PLAAT4: variants seen among roughly 807,000 people sequenced by gnomAD.
PLAAT4 encodes phospholipase A and acyltransferase 4, also known as HRAS-like suppressor 4.
Under a neutral mutation model 14.1 loss-of-function variants are expected in PLAAT4, and 12 were observed. The ratio of observed to expected loss-of-function variants is 0.85; its 90% confidence interval spans 0.54 to 1.37. The LOEUF (loss-of-function observed/expected upper bound fraction) is 1.37, where lower values mean the gene tolerates loss of function less well. Ranked by LOEUF, PLAAT4 falls within the 40% of genes most tolerant of loss-of-function variation. The probability of loss-of-function intolerance (pLI) is 0.00; values close to 1 mark genes in which losing one functional copy is unlikely to be tolerated. For missense variants in PLAAT4, 163 were observed against 211.7 expected, an observed-to-expected ratio of 0.77 and a Z score of 1.43; for synonymous variants, 77 against 79.8, an observed-to-expected ratio of 0.96 and a Z score of 0.19.
chr11:63,541,654 G>T (rs1276505938), intron 2 of PLAAT4, among the ~76,000 whole-genome samples: 1 of 142,848 alleles, frequency 7.0e-6, no homozygotes. Flanking sequence ...TTTAATAAAT[G>T]GTATGAATAT....
intron 2 of PLAAT4, among the ~76,000 whole-genome samples, chr11:63,542,420 C>A (rs2017328688): frequency 6.6e-6 from 1 of 152,204 alleles, no homozygotes; most frequent in Admixed American, 6.5e-5. Flanking sequence ...ACACATAGGA[C>A]ACAGAAAGCC....
In PLAAT4 at chr11:63,546,247, G is replaced by A. The variant is rs764866834; in HGVS notation, c.486G>A (p.Ala162=). The change falls in exon 4 of 4, where the codon GCG becomes GCA. Residue 162 remains alanine (A), a synonymous_variant. Coordinates refer to ENST00000255688, the MANE Select transcript of PLAAT4 (RefSeq NM_004585.5). ...CGATTAGGAGATACCAAAAAAAAGC[G>A]ACAGCCTGAAGCAGCCACAAAATCC... ...SFAIRRYQKK[A]TA 9.3e-6 allele frequency: 15 copies of A among 1,613,882 alleles called. No homozygotes were observed. The highest frequency in any genetic ancestry group is 3.3e-5 in the South Asian group (3 of 91,058).
At chr11:63,541,973 T>C (rs935700363) in intron 2 of PLAAT4, among the ~76,000 whole-genome samples, 1 of 152,106 alleles carries the variant, frequency 6.6e-6, no homozygotes, top group Admixed American at 6.6e-5. Context: ...AACCCAAAAG[T>C]AAAAAACAAT....
At chr11:63,537,988 G>A (rs2017286684) in intron 1 of PLAAT4, among the ~76,000 whole-genome samples, 1 of 152,240 alleles carries the variant, frequency 6.6e-6, no homozygotes, top group South Asian at 2.1e-4. Flanking sequence ...CCTAGGAGTG[G>A]GGTGGCGGGT....
intron 2 of PLAAT4, among the ~76,000 whole-genome samples, chr11:63,540,280 G>T (rs1401596640): frequency 6.6e-6 from 1 of 152,208 alleles, no homozygotes; most frequent in Non-Finnish European, 1.5e-5. Context: ...AAGGAACAAT[G>T]TTTCTCCGTG....
At chr11:63,538,179 T>C (rs952641212) in intron 1 of PLAAT4, among the ~76,000 whole-genome samples, 15 of 151,552 alleles carry the variant, frequency 9.9e-5, no homozygotes, top group African/African-American at 3.6e-4. Context: ...GGCCTGTGGG[T>C]GCAGAGCCCA....
At chr11:63,541,392 A>G (rs755284757) in intron 2 of PLAAT4, among the ~76,000 whole-genome samples, 2 of 152,056 alleles carry the variant, frequency 1.3e-5, no homozygotes, top group Non-Finnish European at 2.9e-5. Context: ...GGGTTTCACC[A>G]TGTTGGCCAG....
intron 2 of PLAAT4, among the ~76,000 whole-genome samples, chr11:63,540,134 G>A (rs963383326): frequency 2.0e-5 from 3 of 152,238 alleles, no homozygotes; most frequent in Admixed American, 6.5e-5. Context: ...AGAAGAGACC[G>A]TTGCCTCCCG....
intron 1 of PLAAT4, among the ~76,000 whole-genome samples, chr11:63,537,556 G>A (rs1036565723): frequency 6.6e-6 from 1 of 152,156 alleles, no homozygotes; most frequent in Non-Finnish European, 1.5e-5. Flanking sequence ...TCCTGGGGAA[G>A]GGCTTTACTG....
In PLAAT4 at chr11:63,545,055, G is replaced by T. The variant is rs573455606; in HGVS notation, c.387+166G>T. ...ATGCCAGATCTGCTTCTAATCCACA[G>T]AGGGTCTTTGGACAGTTCCCTTCCC... On this transcript the variant is annotated intron_variant, in intron 3 of 3. Transcript: ENST00000255688. 6.2e-6 allele frequency: 6 copies of T among 969,194 alleles called. No homozygotes were observed. The East Asian group carries it at 1.5e-4, about 24-fold the overall frequency. The allele number at this position is 969,194 out of a possible 1,614,324, so 60.0% of individuals were successfully genotyped here.
In PLAAT4 at chr11:63,536,877, G is replaced by A. The variant is rs1170202185; in HGVS notation, c.9G>A (p.Ser3=). The change falls in exon 1 of 4, where the codon TCG becomes TCA. Residue 3 remains serine (S), a splice_region_variant and synonymous_variant. Coordinates refer to ENST00000255688, the MANE Select transcript of PLAAT4 (RefSeq NM_004585.5). MA[S]PHQEPKPGDL... is the part of the protein sequence containing the mutation. The stretch of plus-strand genomic sequence containing the variant: ...CTCCTCTTGGCTTCGAGATGGCTTC[G>A]GTAAGTTTCCCAGGGCTTTGCATTA... 16 of 1,612,452 alleles carry A rather than the reference G, an allele frequency of 9.9e-6. No individual in the cohort carries two copies. Among genetic ancestry groups the A allele is most frequent in the Non-Finnish European group, 1.3e-5 (15 of 1,179,282 alleles).
intron 1 of PLAAT4, among the ~76,000 whole-genome samples, chr11:63,539,241 T>C (rs2017300836): frequency 6.6e-6 from 1 of 152,072 alleles, no homozygotes; most frequent in African/African-American, 2.4e-5. Context: ...CACATCTGCA[T>C]CCTCAGCATG....
intron 2 of PLAAT4, 122 bp from the exon 3 acceptor site, chr11:63,544,499 A>C: frequency 7.6e-7 from 1 of 1,312,630 alleles, no homozygotes; most frequent in South Asian, 1.4e-5. Flanking sequence ...AAAAAGCAAA[A>C]TCTGTGAATC....
intron 1 of PLAAT4, among the ~76,000 whole-genome samples, chr11:63,538,885 G>A (rs1225007303): frequency 6.6e-6 from 1 of 152,166 alleles, no homozygotes; most frequent in Non-Finnish European, 1.5e-5. Context: ...TCCCACAGAG[G>A]CCTGTTCTGT....
At chr11:63,542,597 G>T (rs1266140563) in intron 2 of PLAAT4, among the ~76,000 whole-genome samples, 1 of 152,052 alleles carries the variant, frequency 6.6e-6, no homozygotes. Context: ...TGGATTTTTG[G>T]CTACCTATTT....
intron 2 of PLAAT4, 133 bp downstream of exon 2, chr11:63,539,757 T>A: frequency 1.8e-6 from 1 of 558,662 alleles, no homozygotes; most frequent in Non-Finnish European, 3.0e-6. Context: ...AGGTCAGGAG[T>A]TCAAGACCAG....
At chr11:63,543,075 C>T (rs558982468) in intron 2 of PLAAT4, among the ~76,000 whole-genome samples, 45 of 152,360 alleles carry the variant, frequency 3.0e-4, no homozygotes, top group African/African-American at 9.4e-4. Flanking sequence ...GTTCACTCAT[C>T]TATACCCTCC....
intron 1 of PLAAT4, among the ~76,000 whole-genome samples, chr11:63,537,968 G>T (rs1285397451): frequency 6.6e-6 from 1 of 152,198 alleles, no homozygotes; most frequent in Non-Finnish European, 1.5e-5. Context: ...AGGCCCCCGG[G>T]GACCCAGGTC....
Position 63,546,357 on chromosome 11 carries a change from G to C in PLAAT4, c.*101G>C. On this transcript the variant is annotated 3_prime_UTR_variant, in exon 4 of 4. Transcript: ENST00000255688. ...GCCTGACCCTCGTGCCCTGTCTCAG[G>C]CGTTCTCTAGATCCTTTCCTCTGTT... 3 of 998,502 alleles carry C rather than the reference G, an allele frequency of 3.0e-6. No homozygotes were observed. Among genetic ancestry groups the C allele is most frequent in the Non-Finnish European group, 4.7e-6 (3 of 634,764 alleles). The allele number at this position is 998,502 out of a possible 1,614,324, so 61.9% of individuals were successfully genotyped here.
Sources: gnomAD v4.1 joint callset for allele counts (sites outside exome capture counted in the v4.1 genomes callset) on GRCh38, gnomAD v4.1.1 for gene constraint, MANE v1.5 for transcripts, NCBI Gene and HGNC (gene_info 2026-07-23, HGNC 2026-07-21) for gene names.